Variants in LARGE1 observed in about 807,000 individuals in gnomAD.
The protein encoded by LARGE1 is LARGE xylosyl- and glucuronyltransferase 1.
LARGE1 carries 43 observed loss-of-function variants against 87.6 expected under a neutral mutation model. That is an observed-to-expected ratio of 0.49 (90% CI 0.38 to 0.63). LARGE1 has a LOEUF of 0.63. Ranked by LOEUF, LARGE1 falls within the 30% of genes least tolerant of loss-of-function variation. The pLI, the probability that LARGE1 is intolerant of heterozygous loss-of-function variation, is 0.00. For missense variants in LARGE1, 802 were observed against 1,000.2 expected, an observed-to-expected ratio of 0.80 and a Z score of 2.67; for synonymous variants, 434 against 394.6, an observed-to-expected ratio of 1.10 and a Z score of -1.18.
intron 11 of LARGE1, among the ~76,000 whole-genome samples, chr22:33,240,780 G>C (rs1284539481): frequency 6.6e-6 from 1 of 152,150 alleles, no homozygotes; most frequent in African/African-American, 2.4e-5. Flanking sequence ...TCAACTTTAA[G>C]AACTCTTTCT....
chr22:33,265,010 C>T (rs1927854221), intron 11 of LARGE1, among the ~76,000 whole-genome samples: 1 of 145,266 alleles, frequency 6.9e-6, no homozygotes, highest in African/African-American at 2.5e-5. Context: ...AAGTGATTCT[C>T]CTGCTTCAGC....
chr22:33,621,961 T>C (rs971085189), intron 4 of LARGE1, among the ~76,000 whole-genome samples: 1 of 152,174 alleles, frequency 6.6e-6, no homozygotes, highest in Non-Finnish European at 1.5e-5. Flanking sequence ...TGGAGATTCA[T>C]TCCTTGTCTA....
At chr22:33,843,440 A>AAAATAAAAAAATAAATAAAT (rs2063338967) in intron 1 of LARGE1, among the ~76,000 whole-genome samples, 1 of 146,536 alleles carries the variant, frequency 6.8e-6, no homozygotes, top group Non-Finnish European at 1.5e-5. Flanking sequence ...CCCTCTCAAA[A>AAAATAAAAAAATAAATAAAT]AAATAAATAA....
intron 2 of LARGE1, among the ~76,000 whole-genome samples, chr22:33,722,286 G>C (rs1206450152): frequency 6.9e-6 from 1 of 143,924 alleles, no homozygotes; most frequent in African/African-American, 2.5e-5. Flanking sequence ...GGAGAGGAGG[G>C]AGAGGGAGAG....
chr22:33,612,840 A>G (rs2079479484), intron 4 of LARGE1, among the ~76,000 whole-genome samples: 1 of 152,182 alleles, frequency 6.6e-6, no homozygotes. Context: ...CTGGTTACAG[A>G]GCAGAAGGTG....
chr22:33,438,934 G>T (rs992179460), intron 6 of LARGE1, among the ~76,000 whole-genome samples: 1 of 152,152 alleles, frequency 6.6e-6, no homozygotes, highest in African/African-American at 2.4e-5. Flanking sequence ...TACAAGGCCG[G>T]GCGCGGTGGC....
At chr22:33,386,016 C>G (rs2065311544) in intron 7 of LARGE1, among the ~76,000 whole-genome samples, 1 of 148,310 alleles carries the variant, frequency 6.7e-6, no homozygotes. Flanking sequence ...AGGTGTTTGG[C>G]CAGGTGGAGT....
intron 1 of LARGE1, among the ~76,000 whole-genome samples, chr22:33,839,447 T>C (rs1420401458): frequency 6.6e-6 from 1 of 151,980 alleles, no homozygotes; most frequent in Non-Finnish European, 1.5e-5. Flanking sequence ...GAGACAAACA[T>C]CCAAACCATA....
At chr22:33,764,895 G>A (rs1421654978) in intron 1 of LARGE1, among the ~76,000 whole-genome samples, 2 of 151,924 alleles carry the variant, frequency 1.3e-5, no homozygotes, top group Admixed American at 6.6e-5. Flanking sequence ...GCAACCATCC[G>A]TTTTTTTTCC....
At chr22:33,618,225 G>A (rs1569316638) in intron 4 of LARGE1, among the ~76,000 whole-genome samples, 1 of 152,180 alleles carries the variant, frequency 6.6e-6, no homozygotes, top group East Asian at 1.9e-4. Context: ...GATATGGGAA[G>A]ATTCAAGGAC....
chr22:33,769,686 T>A (rs578044908), intron 1 of LARGE1, among the ~76,000 whole-genome samples: 6 of 152,210 alleles, frequency 3.9e-5, no homozygotes, highest in Non-Finnish European at 5.9e-5. Context: ...TCCTCTCACG[T>A]CATTCTGCCT....
At chr22:33,676,500 T>A in intron 2 of LARGE1, among the ~76,000 whole-genome samples, 1 of 134,688 alleles carries the variant, frequency 7.4e-6, no homozygotes, top group African/African-American at 2.8e-5. Context: ...AAAATACATA[T>A]CAAAGACCAA....
At position 33,334,430 on chromosome 22, in the gene LARGE1, A is replaced by C. The variant is rs911613636; in HGVS notation, c.1287+3216T>G. 5.4e-5 allele frequency among the ~76,000 whole-genome samples: 8 copies of C among 148,754 alleles called. 1 individual carries two copies. The highest frequency in any genetic ancestry group is 1.7e-4 in the African/African-American group (7 of 40,370). On this transcript the variant is annotated intron_variant, in intron 10 of 14. Transcript: ENST00000397394. ...GTCTCAAAAAAAAAAAAACAAAAAA[A>C]AAAAACACCAAACAAAAAGAAACAG... is the stretch of plus-strand genomic sequence containing the variant.
At chr22:33,124,349 A>AAGGAAGG in the LARGE1 span, among the ~76,000 whole-genome samples, 2 of 37,382 alleles carry the variant, frequency 5.4e-5, no homozygotes, top group African/African-American at 3.0e-4. Flanking sequence ...AGAGACAAAG[A>AAGGAAGG]AAGGAAAGAA....
At chr22:33,451,018 C>T (rs1045621083) in intron 6 of LARGE1, among the ~76,000 whole-genome samples, 24 of 152,286 alleles carry the variant, frequency 1.6e-4, no homozygotes, top group African/African-American at 5.1e-4. Context: ...CCAGTGCAGA[C>T]GCAGCCCACT....
intron 1 of LARGE1, among the ~76,000 whole-genome samples, chr22:33,842,328 A>C (rs2063304361): frequency 6.6e-6 from 1 of 152,238 alleles, no homozygotes; most frequent in African/African-American, 2.4e-5. Context: ...TTAATAAAAA[A>C]TTAAATTAAA....
At chr22:33,487,677 G>A (rs2069646456) in intron 6 of LARGE1, among the ~76,000 whole-genome samples, 1 of 152,154 alleles carries the variant, frequency 6.6e-6, no homozygotes, top group African/African-American at 2.4e-5. Flanking sequence ...TCCTTTAGCT[G>A]AGTAAGAGGA....
chr22:33,690,147 C>A lies in LARGE1; in HGVS notation c.107-39479G>T, dbSNP rs571749190. Among the ~76,000 whole-genome samples the A allele has an allele frequency of 9.3e-5, 14 of 150,706 alleles. No individual in the cohort carries two copies. The South Asian group carries it at 2.8e-3, about 30-fold the overall frequency. On this transcript the variant is annotated intron_variant, in intron 2 of 14. Coordinates refer to ENST00000397394, the MANE Select transcript of LARGE1 (RefSeq NM_133642.5). ...CCAGGCTGCCCTGAGTTGCCTGGGG[C>A]AAAAGAAAAAGGCAGAAAGGAAATG...
chr22:33,703,978 G>A (rs942992517), intron 2 of LARGE1, among the ~76,000 whole-genome samples: 5 of 152,190 alleles, frequency 3.3e-5, no homozygotes, highest in African/African-American at 9.7e-5. Context: ...CCAAGTCATG[G>A]GAGGATCTGT....
Sources: allele counts gnomAD v4.1 joint callset (sites outside exome capture counted in the v4.1 genomes callset), GRCh38; gene constraint gnomAD v4.1.1; transcripts MANE v1.5; gene names NCBI Gene and HGNC (gene_info 2026-07-23, HGNC 2026-07-21).